Variants in PTPRD observed in about 807,000 individuals in gnomAD.
PTPRD encodes the protein receptor-type tyrosine-protein phosphatase delta.
Under a neutral mutation model 214.5 loss-of-function variants are expected in PTPRD, and 34 were observed. That is an observed-to-expected ratio of 0.16 (90% confidence interval 0.12 to 0.21). PTPRD has a LOEUF of 0.21. Ranked by LOEUF, PTPRD falls within the 10% of genes least tolerant of loss-of-function variation. The pLI is 1.00. For synonymous variants in PTPRD, 1,128 were observed against 845.7 expected, an observed-to-expected ratio of 1.33 and a Z score of -5.79; for missense variants, 2,545 against 2,398.7, an observed-to-expected ratio of 1.06 and a Z score of -1.27.
intron 3 of PTPRD, among the ~76,000 whole-genome samples, chr9:10,155,538 G>A (rs1345797741): frequency 6.6e-6 from 1 of 152,136 alleles, no homozygotes; most frequent in African/African-American, 2.4e-5. Flanking sequence ...TTTTCAAGGG[G>A]AATGCTTTAA....
intron 3 of PTPRD, among the ~76,000 whole-genome samples, chr9:10,118,196 T>TTATCTATC (rs56038500): frequency 0.21 from 31,680 of 148,760 alleles, 3,675 homozygotes; most frequent in Non-Finnish European, 0.27. Context: ...CTCACATTTA[T>TTATCTATC]TATCTATCTA....
intron 3 of PTPRD, among the ~76,000 whole-genome samples, chr9:10,162,074 C>A (rs1443357976): frequency 1.3e-5 from 2 of 151,432 alleles, no homozygotes; most frequent in African/African-American, 4.8e-5. Context: ...GAAAGGGGAA[C>A]CCTTGCACAC....
intron 11 of PTPRD, among the ~76,000 whole-genome samples, chr9:8,791,596 C>T (rs1387122544): frequency 1.4e-5 from 2 of 144,746 alleles, no homozygotes; most frequent in African/African-American, 2.6e-5. Context: ...GGGGCGATCT[C>T]GGCTCACTGC....
At chr9:8,967,759 G>A (rs1201036480) in intron 11 of PTPRD, among the ~76,000 whole-genome samples, 2 of 152,034 alleles carry the variant, frequency 1.3e-5, no homozygotes, top group African/African-American at 4.8e-5. Context: ...GTACAGGCAG[G>A]CACTTTTTTT....
chr9:9,911,986 T>C (rs139593701), intron 5 of PTPRD, among the ~76,000 whole-genome samples: 246 of 152,212 alleles, frequency 1.6e-3, no homozygotes, highest in African/African-American at 5.3e-3. Context: ...AAGTAAGATC[T>C]TAATAATGTT....
intron 3 of PTPRD, among the ~76,000 whole-genome samples, chr9:10,193,594 A>G: frequency 6.6e-6 from 1 of 152,180 alleles, no homozygotes; most frequent in Admixed American, 6.6e-5. Flanking sequence ...CAGTTTTAAA[A>G]TGTCAAGATA....
At chr9:8,776,980 T>G in intron 11 of PTPRD, among the ~76,000 whole-genome samples, 1 of 149,110 alleles carries the variant, frequency 6.7e-6, no homozygotes, top group Non-Finnish European at 1.5e-5. Context: ...TTCATATATA[T>G]ATACATTTTT....
chr9:8,475,010 T>C lies in PTPRD; in HGVS notation c.3414-3925A>G, dbSNP rs902197277. Among the ~76,000 whole-genome samples the C allele has an allele frequency of 3.3e-5, 5 of 152,274 alleles. No individual in the cohort carries two copies. In the East Asian group the frequency reaches 9.7e-4, roughly 29 times the overall value. On this transcript the variant is annotated intron_variant, in intron 30 of 45. Transcript: ENST00000381196. The stretch of plus-strand genomic sequence containing the variant: ...CTTAGGTTTCAACCATGTACAAATA[T>C]GTGTCATATAGAGAACAAAACAAAC...
chr9:9,709,860 A>G (rs995412648), intron 7 of PTPRD, among the ~76,000 whole-genome samples: 9 of 152,088 alleles, frequency 5.9e-5, no homozygotes, highest in Admixed American at 5.2e-4. Context: ...ATACGTATGT[A>G]TGAATATGCT....
chr9:8,782,446 C>T (rs557833730), intron 11 of PTPRD, among the ~76,000 whole-genome samples: 1 of 152,110 alleles, frequency 6.6e-6, no homozygotes, highest in African/African-American at 2.4e-5. Context: ...CCTGAACTTA[C>T]TCCTCCTATC....
chr9:9,914,953 G>T (rs1465487262), intron 5 of PTPRD, among the ~76,000 whole-genome samples: 1 of 152,140 alleles, frequency 6.6e-6, no homozygotes, highest in Admixed American at 6.6e-5. Context: ...TAACATCCCT[G>T]TAGCCCCAAA....
intron 21 of PTPRD, among the ~76,000 whole-genome samples, chr9:8,511,609 A>G (rs1209328226): frequency 6.6e-6 from 1 of 152,190 alleles, no homozygotes; most frequent in African/African-American, 2.4e-5. Flanking sequence ...CAACATATCC[A>G]GACCTTTAAG....
chr9:9,772,783 G>A lies in PTPRD; in HGVS notation c.-367-5932C>T, dbSNP rs1233282387. 2.0e-5 allele frequency among the ~76,000 whole-genome samples: 3 copies of A among 149,904 alleles called. No individual in the cohort carries two copies. The East Asian group carries it at 6.7e-4, about 34-fold the overall frequency. ...TTGCCATCTTCACTCATTGCTGGTG[G>A]CACTATAAATTGAAAAGCAATTTAC... On this transcript the variant is annotated intron_variant, in intron 5 of 45. Transcript: ENST00000381196.
intron 10 of PTPRD, among the ~76,000 whole-genome samples, chr9:9,097,214 C>T (rs1352634873): frequency 6.6e-6 from 1 of 152,086 alleles, no homozygotes; most frequent in African/African-American, 2.4e-5. Context: ...TTCTTGATCC[C>T]TGCATGTGGG....
At chr9:9,021,855 C>G (rs2099570913) in intron 10 of PTPRD, among the ~76,000 whole-genome samples, 1 of 151,762 alleles carries the variant, frequency 6.6e-6, no homozygotes, top group Admixed American at 6.6e-5. Context: ...GTGCTTTAAG[C>G]TAAGTGTTAT....
chr9:10,172,668 A>C (rs1390082017), intron 3 of PTPRD, among the ~76,000 whole-genome samples: 1 of 152,184 alleles, frequency 6.6e-6, no homozygotes, highest in Non-Finnish European at 1.5e-5. Context: ...CAGGAGCACA[A>C]AGTGGCTATG....
intron 9 of PTPRD, among the ~76,000 whole-genome samples, chr9:9,221,712 G>C (rs1283266670): frequency 5.3e-5 from 8 of 151,936 alleles, no homozygotes; most frequent in African/African-American, 1.9e-4. Context: ...AGTTACATTG[G>C]GTGTTGGGGT....
intron 10 of PTPRD, among the ~76,000 whole-genome samples, chr9:9,066,521 A>G (rs2099734628): frequency 6.6e-6 from 1 of 151,510 alleles, no homozygotes; most frequent in South Asian, 2.1e-4. Context: ...AATCCTGGAA[A>G]TTATGAATGT....
Position 9,209,073 on chromosome 9 carries a change from G to C in PTPRD, c.-202-25710C>G, listed in dbSNP as rs538551532. ...TCGGCCCGCCTTGGCCTCCCAAAGT[G>C]CTGGAATTACAGGCTTGAGCCACCG... On this transcript the variant is annotated intron_variant, in intron 9 of 45. Transcript: ENST00000381196. Among the ~76,000 whole-genome samples the C allele has an allele frequency of 2.0e-5, 3 of 152,160 alleles. No homozygotes were observed. The East Asian group carries it at 5.8e-4, about 29-fold the overall frequency.
Sources: gnomAD v4.1 joint callset for allele counts (sites outside exome capture counted in the v4.1 genomes callset) on GRCh38, gnomAD v4.1.1 for gene constraint, MANE v1.5 for transcripts, NCBI Gene and HGNC (gene_info 2026-07-23, HGNC 2026-07-21) for gene names.